The following IL1RAPL2 variants were observed in gnomAD, a reference collection of about 807,000 sequenced individuals.
IL1RAPL2 encodes the protein interleukin 1 receptor accessory protein like 2, also known as X-linked interleukin-1 receptor accessory protein-like 2.
In IL1RAPL2, 3 loss-of-function variants were observed where a neutral mutation model predicts 44.1. The observed-to-expected ratio is 0.07, with a 90% CI of 0.03 to 0.18. IL1RAPL2 has a LOEUF of 0.18. IL1RAPL2 is among the 10% of genes least tolerant of loss of function. The probability of loss-of-function intolerance (pLI) is 1.00; values close to 1 mark genes in which losing one functional copy is unlikely to be tolerated. For missense variants in IL1RAPL2, 391 were observed against 496.4 expected (o/e 0.79, Z 2.02); for synonymous variants, 181 against 178.8 (o/e 1.01, Z -0.10).
chrX:105,096,249 T>C (rs1316866717), intron 2 of IL1RAPL2, among the ~76,000 whole-genome samples: 1 of 111,877 alleles, frequency 8.9e-6, no homozygotes, highest in Non-Finnish European at 1.9e-5. Flanking sequence ...TAAAAATGTA[T>C]ACCCATTGCA....
At chrX:105,388,561 G>A (rs2035497867) in intron 5 of IL1RAPL2, among the ~76,000 whole-genome samples, 1 of 109,353 alleles carries the variant, frequency 9.1e-6, no homozygotes, top group Non-Finnish European at 1.9e-5. Flanking sequence ...TTTGACCATT[G>A]GAAAAGAAAA....
At chrX:105,313,999 T>G (rs1427973877) in intron 5 of IL1RAPL2, among the ~76,000 whole-genome samples, 1 of 111,964 alleles carries the variant, frequency 8.9e-6, no homozygotes, top group East Asian at 2.8e-4. Flanking sequence ...AGATGTAGAT[T>G]TTAGCCCAAG....
chrX:104,949,252 A>G (rs1158105718), intron 2 of IL1RAPL2, among the ~76,000 whole-genome samples: 1 of 109,161 alleles, frequency 9.2e-6, no homozygotes, highest in Non-Finnish European at 1.9e-5. Flanking sequence ...TTTCTGTGGG[A>G]TCGGTGGTGA....
chrX:105,240,561 A>G (rs782682361), intron 4 of IL1RAPL2, among the ~76,000 whole-genome samples: 1 of 111,769 alleles, frequency 8.9e-6, no homozygotes, highest in African/African-American at 3.2e-5. Flanking sequence ...GTCCTTTCCA[A>G]CCTTCTAAAA....
intron 2 of IL1RAPL2, among the ~76,000 whole-genome samples, chrX:104,963,327 C>T (rs2147717058): frequency 8.9e-6 from 1 of 111,936 alleles, no homozygotes; most frequent in Non-Finnish European, 1.9e-5. Context: ...ATCTTCCAAC[C>T]AAGGAGGTTT....
intron 5 of IL1RAPL2, among the ~76,000 whole-genome samples, chrX:105,409,527 C>T (rs1385599894): frequency 1.8e-5 from 2 of 110,719 alleles, no homozygotes; most frequent in African/African-American, 6.6e-5. Context: ...TGGTAAGTGC[C>T]ACCCAGATGA....
rs186593325 is a variant in IL1RAPL2 at position 104,663,969 on chromosome X, G to A, written c.82+4974G>A. Among the ~76,000 whole-genome samples, 4 of 109,864 alleles carry A rather than the reference G, an allele frequency of 3.6e-5. No individual in the cohort carries two copies. The East Asian group carries it at 1.2e-3, about 32-fold the overall frequency. On this transcript the variant is annotated intron_variant, in intron 2 of 10. Transcript: ENST00000372582. Reference sequence around the variant, plus strand: ...CTAGTCCTGAGGTGGGGCTGACGGGGAGGGAAAATAAATCAAAACTCCCTT... The same window carrying A: ...CTAGTCCTGAGGTGGGGCTGACGGGAAGGGAAAATAAATCAAAACTCCCTT...
intron 2 of IL1RAPL2, among the ~76,000 whole-genome samples, chrX:105,034,906 A>G (rs1388840484): frequency 9.9e-6 from 1 of 101,100 alleles, no homozygotes. Flanking sequence ...CGAGCTTCCC[A>G]GCTGCTTTGT....
At chrX:105,428,128 A>G (rs2035823532) in intron 5 of IL1RAPL2, among the ~76,000 whole-genome samples, 1 of 111,367 alleles carries the variant, frequency 9.0e-6, no homozygotes, top group Non-Finnish European at 1.9e-5. Flanking sequence ...AAACACTAAT[A>G]TCTAAAACAA....
At chrX:105,568,438 A>T (rs1222998749) in intron 6 of IL1RAPL2, among the ~76,000 whole-genome samples, 1 of 112,014 alleles carries the variant, frequency 8.9e-6, no homozygotes, top group East Asian at 2.8e-4. Context: ...ACTTCCCTTT[A>T]CTTTAACATT....
chrX:105,633,547 T>C (rs145130085), intron 6 of IL1RAPL2, among the ~76,000 whole-genome samples: 74 of 111,448 alleles, frequency 6.6e-4, no homozygotes, highest in Non-Finnish European at 1.2e-3. Flanking sequence ...TATACCTACT[T>C]GACAACAGGT....
intron 5 of IL1RAPL2, among the ~76,000 whole-genome samples, chrX:105,327,087 T>C (rs2034945056): frequency 8.9e-6 from 1 of 111,743 alleles, no homozygotes; most frequent in Non-Finnish European, 1.9e-5. Flanking sequence ...ACAGGAGAGT[T>C]TGGCTGATAA....
intron 1 of IL1RAPL2, among the ~76,000 whole-genome samples, chrX:104,639,557 A>G (rs1262398527): frequency 1.8e-5 from 2 of 110,906 alleles, no homozygotes; most frequent in African/African-American, 6.5e-5. Flanking sequence ...CTGTAGTTGT[A>G]CCATTTGCAT....
intron 1 of IL1RAPL2, among the ~76,000 whole-genome samples, chrX:104,657,749 C>G (rs1930299003): frequency 9.0e-6 from 1 of 111,191 alleles, no homozygotes; most frequent in African/African-American, 3.3e-5. Context: ...TGTCCAGAAT[C>G]TACAAAGAGC....
intron 2 of IL1RAPL2, among the ~76,000 whole-genome samples, chrX:104,725,264 T>A (rs1316033483): frequency 8.9e-6 from 1 of 111,996 alleles, no homozygotes; most frequent in Non-Finnish European, 1.9e-5. Flanking sequence ...GTGCCACATT[T>A]CCTTTATCCA....
chrX:104,815,269 A>T (rs1921103001), intron 2 of IL1RAPL2, among the ~76,000 whole-genome samples: 1 of 111,961 alleles, frequency 8.9e-6, no homozygotes, highest in African/African-American at 3.2e-5. Context: ...AGCACTGGAA[A>T]CCAGGAGTCC....
At chrX:105,379,271 G>A (rs1447465287) in intron 5 of IL1RAPL2, among the ~76,000 whole-genome samples, 1 of 111,284 alleles carries the variant, frequency 9.0e-6, no homozygotes, top group Admixed American at 9.6e-5. Context: ...GGCAGAAATA[G>A]GGGTCATAAG....
chrX:105,098,334 C>T (rs1032740367), intron 2 of IL1RAPL2, among the ~76,000 whole-genome samples: 6 of 111,585 alleles, frequency 5.4e-5, no homozygotes, highest in Non-Finnish European at 1.1e-4. Flanking sequence ...ATTTCATCTC[C>T]GGTTCTACCC....
chrX:105,050,821 G>A (rs1051218022), intron 2 of IL1RAPL2, among the ~76,000 whole-genome samples: 3 of 112,342 alleles, frequency 2.7e-5, no homozygotes, highest in Non-Finnish European at 5.6e-5. Context: ...CAGAGAGGAG[G>A]CCCTGGAGAG....
Sources: allele counts gnomAD v4.1 joint callset (sites outside exome capture counted in the v4.1 genomes callset), GRCh38; gene constraint gnomAD v4.1.1; transcripts MANE v1.5; gene names NCBI Gene and HGNC (gene_info 2026-07-23, HGNC 2026-07-21).